The following RNF169 variants were observed in gnomAD, a reference collection of about 807,000 sequenced individuals.
The protein encoded by RNF169 is ring finger protein 169.
RNF169 carries 24 observed loss-of-function variants against 53.9 expected under a neutral mutation model. The observed-to-expected ratio is 0.45, with a 90% CI of 0.32 to 0.63. RNF169 has a LOEUF of 0.63. Among genes scored for constraint, RNF169 ranks in the 20% least tolerant of loss-of-function variants. The probability of loss-of-function intolerance (pLI) is 0.04; values close to 1 mark genes in which losing one functional copy is unlikely to be tolerated. For missense variants in RNF169, 883 were observed against 906.2 expected (o/e 0.97, Z 0.33); for synonymous variants, 396 against 363.5 (o/e 1.09, Z -1.02).
intron 1 of RNF169, 132 bp from the exon 2 acceptor site, chr11:74,789,494 T>A (rs1263581477): frequency 5.2e-6 from 3 of 573,154 alleles, no homozygotes; most frequent in Non-Finnish European, 9.3e-6. Flanking sequence ...TGATAGTATT[T>A]AAGACTTAGC....
intron 3 of RNF169, among the ~76,000 whole-genome samples, chr11:74,811,288 C>T (rs2035872175): frequency 6.6e-6 from 1 of 152,188 alleles, no homozygotes; most frequent in Admixed American, 6.5e-5. Context: ...GTTGCCCAGG[C>T]TGGAGTGCAG....
intron 1 of RNF169, among the ~76,000 whole-genome samples, chr11:74,752,007 G>T (rs1051970752): frequency 2.3e-4 from 35 of 152,146 alleles, no homozygotes; most frequent in African/African-American, 8.2e-4. Flanking sequence ...GCCGAGGTGG[G>T]CGGATCACAA....
intron 1 of RNF169, among the ~76,000 whole-genome samples, chr11:74,785,186 G>GATAT (rs1475323364): frequency 6.3e-5 from 4 of 63,694 alleles, no homozygotes; most frequent in Admixed American, 1.5e-4. Flanking sequence ...ATATATATAT[G>GATAT]ATATATATAT....
At chr11:74,777,744 T>C (rs1448818520) in intron 1 of RNF169, among the ~76,000 whole-genome samples, 2 of 152,092 alleles carry the variant, frequency 1.3e-5, no homozygotes, top group Non-Finnish European at 2.9e-5. Flanking sequence ...ACCTTCCGCC[T>C]TAGCCTCCTG....
chr11:74,801,945 A>G (rs1438286954), intron 2 of RNF169, among the ~76,000 whole-genome samples: 1 of 152,244 alleles, frequency 6.6e-6, no homozygotes, highest in African/African-American at 2.4e-5. Flanking sequence ...CCAGAACATG[A>G]GTAAAATGTT....
intron 2 of RNF169, among the ~76,000 whole-genome samples, chr11:74,797,889 A>G (rs75227180): frequency 6.6e-6 from 1 of 152,350 alleles, no homozygotes; most frequent in African/African-American, 2.4e-5. Flanking sequence ...ACGGACATTT[A>G]TTAGTTCCCC....
Position 74,839,639 on chromosome 11 carries a change from T to C in RNF169, c.*2909T>C, listed in dbSNP as rs1159950211. The stretch of plus-strand genomic sequence containing the variant: ...TATGCATTCTGGGTTTTTTTATTAT[T>C]AAAGGGGAAGTTAGGGGGGAGGGTG... On this transcript the variant is annotated 3_prime_UTR_variant, in exon 6 of 6. Transcript: ENST00000299563. 1 of 152,102 alleles carries C rather than the reference T, an allele frequency of 6.6e-6. No homozygotes were observed. The highest frequency in any genetic ancestry group is 6.5e-5 in the Admixed American group (1 of 15,276). 9.4% of individuals were successfully genotyped at this position (152,102 alleles called of 1,614,324 possible).
intron 1 of RNF169, among the ~76,000 whole-genome samples, chr11:74,750,106 C>T (rs1772884554): frequency 6.6e-6 from 1 of 152,058 alleles, no homozygotes; most frequent in Admixed American, 6.5e-5. Context: ...GGGTTTCCTA[C>T]TGGCTTGCTG....
At chr11:74,777,498 C>T (rs917448455) in intron 1 of RNF169, among the ~76,000 whole-genome samples, 2 of 152,138 alleles carry the variant, frequency 1.3e-5, no homozygotes, top group African/African-American at 4.8e-5. Flanking sequence ...TATCATGTGC[C>T]TCTTGCTGCT....
rs147878776 is a variant in RNF169 at position 74,771,578 on chromosome 11, C to T, written c.503-18048C>T. Among the ~76,000 whole-genome samples the T allele has an allele frequency of 6.5e-3, 992 of 152,168 alleles. 16 individuals carry two copies. The highest frequency in any genetic ancestry group is 0.022 in the African/African-American group (929 of 41,498). ...AATTAGCCAGGTATGTTGGTGCACA[C>T]CTATAGTCCCAGCTACTCAGGAGGC... On this transcript the variant is annotated intron_variant, in intron 1 of 5. Coordinates refer to ENST00000299563, the MANE Select transcript of RNF169 (RefSeq NM_001098638.2).
In RNF169 at chr11:74,840,565, C is replaced by T. The variant is rs946858813; in HGVS notation, c.*3835C>T. 2.6e-5 allele frequency: 4 copies of T among 152,186 alleles called. No homozygotes were observed. The highest frequency in any genetic ancestry group is 9.7e-5 in the African/African-American group (4 of 41,444). 9.4% of individuals were successfully genotyped at this position (152,186 alleles called of 1,614,324 possible). A position where few individuals can be genotyped will look rare whatever the true frequency, so the allele number is the denominator to read the frequency against. ...CTGACATGGTCAGGGGAGGCCCACA[C>T]CTCAATTCAGTAACCACCTAATCTC... On this transcript the variant is annotated 3_prime_UTR_variant, in exon 6 of 6. Transcript: ENST00000299563.
intron 1 of RNF169, among the ~76,000 whole-genome samples, chr11:74,762,242 G>T (rs1369751141): frequency 6.7e-6 from 1 of 149,444 alleles, no homozygotes; most frequent in Non-Finnish European, 1.5e-5. Flanking sequence ...CTTTGCCTTT[G>T]GTTTGAATGT....
At chr11:74,798,808 C>T (rs1197352814) in intron 2 of RNF169, among the ~76,000 whole-genome samples, 2 of 151,898 alleles carry the variant, frequency 1.3e-5, no homozygotes, top group African/African-American at 4.8e-5. Flanking sequence ...TCAAGCTGGC[C>T]GATGCTTAAG....
intron 4 of RNF169, among the ~76,000 whole-genome samples, chr11:74,823,818 A>G (rs145753531): frequency 1.3e-5 from 2 of 152,012 alleles, no homozygotes; most frequent in African/African-American, 4.8e-5. Flanking sequence ...CTAACTGACC[A>G]CTAAGCTAAC....
Position 74,836,555 on chromosome 11 carries a change from C to T in RNF169, c.1952C>T (p.Pro651Leu), listed in dbSNP as rs1326945881. 6 of 1,613,938 alleles carry T rather than the reference C, an allele frequency of 3.7e-6. No homozygotes were observed. The African/African-American group carries it at 6.7e-5, about 18-fold the overall frequency. ...RQTSGEVGLA[P>L]TDPVLREMEQ... ...ACCAGTGGGGAGGTGGGTCTGGCCCCAACAGACCCAGTCCTGCGAGAGATG... is the reference window on the plus strand; with the variant it reads ...ACCAGTGGGGAGGTGGGTCTGGCCCTAACAGACCCAGTCCTGCGAGAGATG... Residue 651 changes from proline (P) to leucine (L), a missense_variant, in exon 6 of 6, where the codon CCA (proline) becomes CTA (leucine). This residue lies in a region of RNF169 where 351 missense variants were observed against 337.3 expected (regional missense o/e 1.04). Coordinates refer to ENST00000299563, the MANE Select transcript of RNF169 (RefSeq NM_001098638.2).
chr11:74,767,255 G>A (rs580042), intron 1 of RNF169, among the ~76,000 whole-genome samples: 52,215 of 151,848 alleles, frequency 0.34, 10,988 homozygotes, highest in African/African-American at 0.6. Flanking sequence ...CTTAACATTA[G>A]GAATCTAATG....
chr11:74,829,979 A>G (rs1052309613), intron 4 of RNF169, among the ~76,000 whole-genome samples: 1 of 152,184 alleles, frequency 6.6e-6, no homozygotes, highest in South Asian at 2.1e-4. Flanking sequence ...TGTAACCTGC[A>G]CATCCTGCGC....
chr11:74,832,669 A>G (rs1251976804), intron 4 of RNF169, among the ~76,000 whole-genome samples: 1 of 152,160 alleles, frequency 6.6e-6, no homozygotes, highest in Non-Finnish European at 1.5e-5. Context: ...CAGGTTGATC[A>G]GAAAATCTTT....
At chr11:74,817,130 A>G (rs2035950677) in intron 3 of RNF169, among the ~76,000 whole-genome samples, 1 of 152,218 alleles carries the variant, frequency 6.6e-6, no homozygotes, top group Non-Finnish European at 1.5e-5. Flanking sequence ...TTTGGAGACT[A>G]ATGCTCTTAA....
Sources: gnomAD v4.1 joint callset for allele counts (sites outside exome capture counted in the v4.1 genomes callset) on GRCh38, gnomAD v4.1.1 for gene constraint, gnomAD v4.1.1 regional missense constraint, MANE v1.5 for transcripts, NCBI Gene and HGNC (gene_info 2026-07-23, HGNC 2026-07-21) for gene names.